Variants in AKAP6 observed in about 807,000 individuals in gnomAD.
The protein encoded by AKAP6 is A-kinase anchoring protein 6, also known as A-kinase anchor protein 6.
AKAP6 carries 58 observed loss-of-function variants against 188.5 expected under a neutral mutation model. That is an observed-to-expected ratio of 0.31 (90% confidence interval 0.25 to 0.38). The LOEUF is 0.38. Among genes scored for constraint, AKAP6 ranks in the 10% least tolerant of loss-of-function variants. The pLI is 1.00. For synonymous variants in AKAP6, 989 were observed against 998.6 expected, an observed-to-expected ratio of 0.99 and a Z score of 0.18; for missense variants, 2,710 against 2,740.0, an observed-to-expected ratio of 0.99 and a Z score of 0.24.
chr14:32,684,890 A>G (rs1456860753), intron 8 of AKAP6, among the ~76,000 whole-genome samples: 1 of 152,194 alleles, frequency 6.6e-6, no homozygotes, highest in Admixed American at 6.5e-5. Context: ...GCAATGAAAA[A>G]GATACGTAAG....
chr14:32,440,252 G>C, intron 2 of AKAP6, among the ~76,000 whole-genome samples: 1 of 150,644 alleles, frequency 6.6e-6, no homozygotes, highest in Non-Finnish European at 1.5e-5. Flanking sequence ...GTCTATTATT[G>C]ATGGACTCAT....
chr14:32,556,677 T>C (rs772904070), intron 4 of AKAP6, among the ~76,000 whole-genome samples: 2 of 152,210 alleles, frequency 1.3e-5, no homozygotes, highest in African/African-American at 2.4e-5. Flanking sequence ...ATATGTATGA[T>C]TTGCAAATTA....
At chr14:32,501,724 G>A (rs1001921194) in intron 2 of AKAP6, among the ~76,000 whole-genome samples, 12 of 152,132 alleles carry the variant, frequency 7.9e-5, no homozygotes, top group African/African-American at 2.7e-4. Flanking sequence ...AAGTAGATGC[G>A]AGGTCTTCAC....
intron 12 of AKAP6, among the ~76,000 whole-genome samples, chr14:32,805,122 T>G (rs147341789): frequency 1.2e-4 from 18 of 152,318 alleles, no homozygotes; most frequent in African/African-American, 3.6e-4. Context: ...ATAACAGGAT[T>G]AAGAGATTAA....
Position 32,546,241 on chromosome 14 carries a change from C to T in AKAP6, c.1588C>T (p.Pro530Ser), listed in dbSNP as rs147822200. Reference protein sequence around the residue: ...QAKNTKSSAVPNGELSYTSKA... With the variant: ...QAKNTKSSAVSNGELSYTSKA... ...TAAAAATACAAAGAGCTCAGCAGTGCCAAATGGAGAGCTTTCTTATACTTC... is the reference window on the plus strand; with the variant it reads ...TAAAAATACAAAGAGCTCAGCAGTGTCAAATGGAGAGCTTTCTTATACTTC... Residue 530 changes from proline (P) to serine (S), a missense_variant, in exon 4 of 14, where the codon CCA (proline) becomes TCA (serine). Coordinates refer to ENST00000280979, the MANE Select transcript of AKAP6 (RefSeq NM_004274.5). 7.7e-5 allele frequency: 125 copies of T among 1,614,140 alleles called. No individual in the cohort carries two copies. In the African/African-American group the frequency reaches 1.5e-3, roughly 20 times the overall value.
At chr14:32,548,123 C>T (rs1346515859) in intron 4 of AKAP6, among the ~76,000 whole-genome samples, 14 of 129,382 alleles carry the variant, frequency 1.1e-4, no homozygotes, top group Non-Finnish European at 2.1e-4. Context: ...TTCCTCTGAG[C>T]AGAGTTTTGC....
intron 12 of AKAP6, among the ~76,000 whole-genome samples, chr14:32,790,906 A>T (rs2033588706): frequency 6.6e-6 from 1 of 152,054 alleles, no homozygotes; most frequent in Non-Finnish European, 1.5e-5. Flanking sequence ...GCTGAGAGTG[A>T]TGATTTCCAC....
At chr14:32,441,534 T>C (rs1301777451) in intron 2 of AKAP6, among the ~76,000 whole-genome samples, 2 of 152,220 alleles carry the variant, frequency 1.3e-5, no homozygotes, top group African/African-American at 4.8e-5. Context: ...GAATGATTGA[T>C]GTATTTTCAT....
intron 2 of AKAP6, among the ~76,000 whole-genome samples, chr14:32,443,113 C>T (rs936208958): frequency 2.0e-5 from 3 of 151,968 alleles, no homozygotes; most frequent in Non-Finnish European, 4.4e-5. Context: ...ACCCATTGTC[C>T]GGCCAGGCGT....
chr14:32,614,249 C>T (rs1449806998), intron 7 of AKAP6, among the ~76,000 whole-genome samples: 1 of 152,154 alleles, frequency 6.6e-6, no homozygotes, highest in African/African-American at 2.4e-5. Context: ...TGGCAAATAG[C>T]ATCTTTTATC....
intron 5 of AKAP6, among the ~76,000 whole-genome samples, chr14:32,580,704 TC>T (rs1884924100): frequency 6.9e-6 from 1 of 144,408 alleles, no homozygotes; most frequent in Non-Finnish European, 1.5e-5. Flanking sequence ...CCCTCCCCAC[TC>T]CCCCCACCCC....
chr14:32,831,686 A>T lies in AKAP6; in HGVS notation c.*1881A>T, dbSNP rs1240356059. On this transcript the variant is annotated 3_prime_UTR_variant, in exon 14 of 14. Coordinates refer to ENST00000280979, the MANE Select transcript of AKAP6 (RefSeq NM_004274.5). ...TATTTGTTGCAGAGCTGAGGAACAG[A>T]GCAAATGTAGTGATAGAAGCGCAAT... is the stretch of plus-strand genomic sequence containing the variant. 2 of 152,304 alleles carry T rather than the reference A, an allele frequency of 1.3e-5. No individual in the cohort carries two copies. Among genetic ancestry groups the T allele is most frequent in the African/African-American group, 4.8e-5 (2 of 41,474 alleles). The allele number at this position is 152,304 out of a possible 1,614,324, so 9.4% of individuals were successfully genotyped here. A position where few individuals can be genotyped will look rare whatever the true frequency, so the allele number is the denominator to read the frequency against.
chr14:32,347,918 A>AT (rs995662654), intron 1 of AKAP6, among the ~76,000 whole-genome samples: 15 of 152,200 alleles, frequency 9.9e-5, no homozygotes, highest in Non-Finnish European at 2.9e-5. Context: ...CTTTGCTTAG[A>AT]TTTTCCAAAG....
At chr14:32,755,148 TG>T (rs1489595579) in intron 11 of AKAP6, among the ~76,000 whole-genome samples, 2 of 152,200 alleles carry the variant, frequency 1.3e-5, no homozygotes, top group Admixed American at 6.5e-5. Context: ...TTGGTTCACT[TG>T]GTGTGGCTCA....
chr14:32,816,434 G>C (rs2034380040), intron 12 of AKAP6, among the ~76,000 whole-genome samples: 1 of 152,042 alleles, frequency 6.6e-6, no homozygotes, highest in South Asian at 2.1e-4. Flanking sequence ...GGGTTCAAGC[G>C]ATCCTCCTGC....
At chr14:32,518,199 A>G (rs1881625497) in intron 2 of AKAP6, among the ~76,000 whole-genome samples, 1 of 152,232 alleles carries the variant, frequency 6.6e-6, no homozygotes, top group Non-Finnish European at 1.5e-5. Context: ...GTCCATCACC[A>G]TCATCAAAGA....
At chr14:32,611,410 G>A (rs1361303997) in intron 7 of AKAP6, among the ~76,000 whole-genome samples, 1 of 152,144 alleles carries the variant, frequency 6.6e-6, no homozygotes, top group Non-Finnish European at 1.5e-5. Flanking sequence ...TAGTAAGGAG[G>A]AGAAACTTGA....
chr14:32,470,709 C>A (rs2138859277), intron 2 of AKAP6, among the ~76,000 whole-genome samples: 1 of 152,222 alleles, frequency 6.6e-6, no homozygotes, highest in Middle Eastern at 3.4e-3. Flanking sequence ...TTAAATAATT[C>A]CTGACAATTG....
chr14:32,535,951 G>T, intron 3 of AKAP6, 146 bp downstream of exon 3: 3 of 1,211,000 alleles, frequency 2.5e-6, no homozygotes, highest in South Asian at 1.5e-5. Context: ...GTGACTAGAA[G>T]CTAGGGCACT....
Sources: gnomAD v4.1 joint callset for allele counts (sites outside exome capture counted in the v4.1 genomes callset) on GRCh38, gnomAD v4.1.1 for gene constraint, MANE v1.5 for transcripts, NCBI Gene and HGNC (gene_info 2026-07-23, HGNC 2026-07-21) for gene names.